ARPP21: variants seen among roughly 807,000 people sequenced by gnomAD.
ARPP21 encodes the protein cAMP-regulated phosphoprotein 21.
ARPP21 carries 69 observed loss-of-function variants against 113.2 expected under a neutral mutation model. That is an observed-to-expected ratio of 0.61 (90% CI 0.50 to 0.74). The LOEUF (loss-of-function observed/expected upper bound fraction) is 0.74, where lower values mean the gene tolerates loss of function less well. Among genes scored for constraint, ARPP21 ranks in the 30% least tolerant of loss-of-function variants. ARPP21 has a pLI of 0.00. For missense variants in ARPP21, 1,070 were observed against 1,037.4 expected (o/e 1.03, Z -0.43); for synonymous variants, 368 against 375.5 (o/e 0.98, Z 0.23).
At chr3:35,703,515 A>C (rs1397715681) in intron 9 of ARPP21, among the ~76,000 whole-genome samples, 1 of 151,936 alleles carries the variant, frequency 6.6e-6, no homozygotes, top group African/African-American at 2.4e-5. Context: ...TTGTGGAAAA[A>C]CATATTTTTA....
chr3:35,696,938 T>C (rs1420532205), intron 9 of ARPP21, among the ~76,000 whole-genome samples: 1 of 151,606 alleles, frequency 6.6e-6, no homozygotes, highest in Non-Finnish European at 1.5e-5. Flanking sequence ...ATTGTTGTCC[T>C]GTTAGATATA....
At chr3:35,676,421 C>A (rs1332003008) in intron 1 of ARPP21, among the ~76,000 whole-genome samples, 1 of 68,732 alleles carries the variant, frequency 1.5e-5, no homozygotes, top group Non-Finnish European at 3.3e-5. Flanking sequence ...AAAGCTTAAA[C>A]AAGGATGTTC....
At chr3:35,646,779 T>C (rs1483081364) in intron 1 of ARPP21, among the ~76,000 whole-genome samples, 1 of 152,150 alleles carries the variant, frequency 6.6e-6, no homozygotes, top group African/African-American at 2.4e-5. Flanking sequence ...GATGACTTTG[T>C]TTATATTTTG....
intron 11 of ARPP21, among the ~76,000 whole-genome samples, chr3:35,714,423 T>A (rs2092014386): frequency 6.6e-6 from 1 of 152,196 alleles, no homozygotes; most frequent in Admixed American, 6.5e-5. Flanking sequence ...TATTAAAAGG[T>A]TATTATTACT....
chr3:35,766,054 C>G (rs2095961688), intron 19 of ARPP21, among the ~76,000 whole-genome samples: 5 of 152,142 alleles, frequency 3.3e-5, no homozygotes, highest in Admixed American at 2.6e-4. Flanking sequence ...ATTCTGAAAA[C>G]TATTCTAAGT....
At chr3:35,787,177 G>T (rs1455738490) in intron 19 of ARPP21, among the ~76,000 whole-genome samples, 5 of 152,128 alleles carry the variant, frequency 3.3e-5, no homozygotes, top group Admixed American at 3.3e-4. Context: ...AGGTTGTTTG[G>T]CAGAGTCCCT....
Position 35,721,675 on chromosome 3 carries a change from T to C in ARPP21, c.1066T>C (p.Ser356Pro). 6.2e-7 allele frequency: 1 copy of C among 1,613,954 alleles called. No individual in the cohort carries two copies. Among genetic ancestry groups the C allele is most frequent in the Non-Finnish European group, 8.5e-7 (1 of 1,179,950 alleles). The change falls in exon 14 of 21, where the codon TCT (serine) becomes CCT (proline). Residue 356 changes from serine to proline, a missense_variant. Physicochemically the swap from Ser to Pro is moderately conservative, Grantham distance 74 (BLOSUM62 -1). Transcript: ENST00000684406. Reference sequence around the variant, plus strand: ...CAGCTCAGAAAATGAACTCAAGTGGTCTGACCACCAAAGGGCCTGGAGCAG... The same window carrying C: ...CAGCTCAGAAAATGAACTCAAGTGGCCTGACCACCAAAGGGCCTGGAGCAG... ...QSSSENELKW[S>P]DHQRAWSSTD...
At chr3:35,793,422 A>G (rs2096786200) in intron 20 of ARPP21, among the ~76,000 whole-genome samples, 1 of 152,214 alleles carries the variant, frequency 6.6e-6, no homozygotes, top group Non-Finnish European at 1.5e-5. Context: ...CCTTCTCAGC[A>G]TCTACTGCAT....
intron 4 of ARPP21, among the ~76,000 whole-genome samples, chr3:35,683,296 G>A (rs930146443): frequency 1.3e-5 from 2 of 151,460 alleles, no homozygotes; most frequent in African/African-American, 4.8e-5. Context: ...CTCACTACTT[G>A]ATTTCTGCCT....
At chr3:35,723,083 G>C (rs2093247707) in intron 14 of ARPP21, among the ~76,000 whole-genome samples, 1 of 152,132 alleles carries the variant, frequency 6.6e-6, no homozygotes, top group African/African-American at 2.4e-5. Context: ...CAGATTGTAT[G>C]GGTGGAGCAT....
chr3:35,671,312 A>G (rs1048947059), intron 1 of ARPP21, among the ~76,000 whole-genome samples: 3 of 152,188 alleles, frequency 2.0e-5, no homozygotes, highest in Non-Finnish European at 2.9e-5. Context: ...GAAAAATTCC[A>G]ACACAATGTT....
At chr3:35,707,568 T>C (rs1318884079) in intron 10 of ARPP21, 10 of 456,526 alleles carry the variant, frequency 2.2e-5, no homozygotes, top group Non-Finnish European at 4.0e-5. Flanking sequence ...TTTGCAACTA[T>C]CCTAAAATAA....
At chr3:35,697,315 C>T (rs981396033) in intron 9 of ARPP21, among the ~76,000 whole-genome samples, 7 of 151,458 alleles carry the variant, frequency 4.6e-5, no homozygotes, top group Admixed American at 2.0e-4. Flanking sequence ...AAATAGTGGC[C>T]GACAGGCATT....
At chr3:35,683,885 G>A in intron 5 of ARPP21, 70 bp downstream of exon 5, 2 of 965,896 alleles carry the variant, frequency 2.1e-6, no homozygotes, top group South Asian at 2.6e-5. Flanking sequence ...CTCTTAATTT[G>A]GTGTTAAACA....
intron 10 of ARPP21, 114 bp downstream of exon 10, chr3:35,707,196 GA>G: frequency 1.3e-6 from 1 of 759,160 alleles, no homozygotes; most frequent in South Asian, 1.7e-5. Flanking sequence ...CCCTGCCTCT[GA>G]TACCACTGTC....
At chr3:35,700,941 G>T (rs2086121349) in intron 9 of ARPP21, among the ~76,000 whole-genome samples, 1 of 151,462 alleles carries the variant, frequency 6.6e-6, no homozygotes. Flanking sequence ...CGAGTTGATG[G>T]GTACAGCAAG....
At chr3:35,719,180 A>G (rs1409957046) in intron 13 of ARPP21, among the ~76,000 whole-genome samples, 1 of 152,098 alleles carries the variant, frequency 6.6e-6, no homozygotes, top group Non-Finnish European at 1.5e-5. Flanking sequence ...CCACACCCAA[A>G]CAGATTTGGA....
intron 1 of ARPP21, among the ~76,000 whole-genome samples, chr3:35,664,949 G>T (rs147580868): frequency 1.1e-3 from 172 of 152,230 alleles, no homozygotes; most frequent in African/African-American, 4.0e-3. Context: ...CTGCTATTTT[G>T]TGTGTGTGTA....
At chr3:35,751,491 G>T (rs909497465) in intron 19 of ARPP21, among the ~76,000 whole-genome samples, 3 of 152,048 alleles carry the variant, frequency 2.0e-5, no homozygotes, top group Non-Finnish European at 2.9e-5. Context: ...ACTCCAATCT[G>T]CCTTGCAGTA....
Sources: allele counts gnomAD v4.1 joint callset (sites outside exome capture counted in the v4.1 genomes callset), GRCh38; gene constraint gnomAD v4.1.1; transcripts MANE v1.5; gene names NCBI Gene and HGNC (gene_info 2026-07-23, HGNC 2026-07-21).